Variants in NCOA3 observed in about 807,000 individuals in gnomAD.
NCOA3 encodes CBP-interacting protein.
A neutral mutation model predicts 158.8 loss-of-function variants in NCOA3; 51 were observed. The ratio of observed to expected loss-of-function variants is 0.32; its 90% CI spans 0.26 to 0.41. NCOA3 has a LOEUF of 0.41. Ranked by LOEUF, NCOA3 falls within the 10% of genes least tolerant of loss-of-function variation. The probability of loss-of-function intolerance (pLI) is 1.00; values close to 1 mark genes in which losing one functional copy is unlikely to be tolerated. For synonymous variants in NCOA3, 537 were observed against 592.4 expected (o/e 0.91, Z 1.36); for missense variants, 1,510 against 1,746.6 (o/e 0.86, Z 2.41).
chr20:47,565,762 C>T (rs2085183265), intron 1 of NCOA3, among the ~76,000 whole-genome samples: 1 of 152,076 alleles, frequency 6.6e-6, no homozygotes, highest in Non-Finnish European at 1.5e-5. Flanking sequence ...GGTAACATAG[C>T]TAGTAATTAG....
intron 1 of NCOA3, among the ~76,000 whole-genome samples, chr20:47,505,127 T>C (rs1342271470): frequency 1.4e-5 from 2 of 142,322 alleles, no homozygotes; most frequent in Non-Finnish European, 3.1e-5. Flanking sequence ...AGCGGCGCGA[T>C]CTTGGCTCAC....
intron 1 of NCOA3, among the ~76,000 whole-genome samples, chr20:47,576,560 A>G (rs2085375292): frequency 6.6e-6 from 1 of 152,214 alleles, no homozygotes; most frequent in Non-Finnish European, 1.5e-5. Flanking sequence ...ATTGTCTTGA[A>G]TAAAATTGTC....
intron 1 of NCOA3, among the ~76,000 whole-genome samples, chr20:47,536,626 T>C (rs547161327): frequency 6.6e-6 from 1 of 152,286 alleles, no homozygotes; most frequent in East Asian, 1.9e-4. Context: ...CTTTATTAAG[T>C]GATGATTGAT....
chr20:47,557,173 A>G (rs1480251823), intron 1 of NCOA3, among the ~76,000 whole-genome samples: 4 of 152,230 alleles, frequency 2.6e-5, no homozygotes, highest in Admixed American at 6.5e-5. Context: ...GTGGATGTCC[A>G]AGGGATATCT....
intron 2 of NCOA3, among the ~76,000 whole-genome samples, chr20:47,594,664 CAAAAAAA>C (rs377014290): frequency 2.3e-4 from 17 of 72,942 alleles, no homozygotes; most frequent in East Asian, 4.8e-4. Flanking sequence ...GACTCTGTCT[CAAAAAAA>C]AAAAAAAAAA....
rs149656614 is a variant in NCOA3, at chr20:47,592,885, A to G, written c.-20+9624A>G. On this transcript the variant is annotated intron_variant, in intron 2 of 22. Coordinates refer to ENST00000371998, the MANE Select transcript of NCOA3 (RefSeq NM_181659.3). ...TAATCTTTTTAGATGACATTCCTCC[A>G]GCAGTGAAAGTATGTCTGTGGTTAC... Among the ~76,000 whole-genome samples, 616 of 152,352 alleles carry G rather than the reference A, an allele frequency of 4.0e-3. 7 individuals carry two copies. The highest frequency in any genetic ancestry group is 0.014 in the African/African-American group (584 of 41,582).
intron 1 of NCOA3, among the ~76,000 whole-genome samples, chr20:47,520,755 T>C (rs1849262831): frequency 6.6e-6 from 1 of 152,146 alleles, no homozygotes; most frequent in South Asian, 2.1e-4. Context: ...TTCCTCCCTT[T>C]CCCCCTCTGA....
chr20:47,565,770 T>G (rs1391010107), intron 1 of NCOA3, among the ~76,000 whole-genome samples: 1 of 152,086 alleles, frequency 6.6e-6, no homozygotes, highest in Non-Finnish European at 1.5e-5. Flanking sequence ...AGCTAGTAAT[T>G]AGGACAGCTG....
chr20:47,520,863 C>T, intron 1 of NCOA3, among the ~76,000 whole-genome samples: 1 of 152,206 alleles, frequency 6.6e-6, no homozygotes. Flanking sequence ...GTATAAATCC[C>T]ACGGCAGGAT....
At chr20:47,551,825 A>AT (rs546753986) in intron 1 of NCOA3, among the ~76,000 whole-genome samples, 239 of 152,388 alleles carry the variant, frequency 1.6e-3, no homozygotes, top group African/African-American at 5.5e-3. Flanking sequence ...AGATAACTTA[A>AT]TACGTATGTA....
In NCOA3 at chr20:47,656,480, T is replaced by A. The variant is rs1204783095; in HGVS notation, c.*3063T>A. The A allele has an allele frequency of 6.6e-6, 1 of 152,338 alleles. No individual in the cohort carries two copies. Among genetic ancestry groups the A allele is most frequent in the Non-Finnish European group, 1.5e-5 (1 of 68,040 alleles). The allele number at this position is 152,338 out of a possible 1,614,324, so 9.4% of individuals were successfully genotyped here. ...CAGAATGGATTGCCAGTTACATGTA[T>A]GCCTGCCCAGTTCCCTTTTTATTTG... On this transcript the variant is annotated 3_prime_UTR_variant, in exon 23 of 23. Transcript: ENST00000371998.
chr20:47,635,961 C>G lies in NCOA3; in HGVS notation c.1575C>G (p.Ala525=). 1.2e-6 allele frequency: 2 copies of G among 1,613,952 alleles called. No homozygotes were observed. The highest frequency in any genetic ancestry group is 8.5e-7 in the Non-Finnish European group (1 of 1,179,880). ...NHSFSSSSLS[A]LQAISEGVGT... is the part of the protein sequence containing the mutation. Reference sequence around the variant, plus strand: ...GCTTTTCCAGCAGCTCTCTCAGTGCCCTGCAAGCCATCAGTGAAGGTGTGG... The same window carrying G: ...GCTTTTCCAGCAGCTCTCTCAGTGCGCTGCAAGCCATCAGTGAAGGTGTGG... The change falls in exon 12 of 23, where the codon GCC becomes GCG. Residue 525 remains alanine (A), a synonymous_variant. Transcript: ENST00000371998.
At chr20:47,594,079 G>A (rs2085701501) in intron 2 of NCOA3, among the ~76,000 whole-genome samples, 1 of 152,044 alleles carries the variant, frequency 6.6e-6, no homozygotes. Context: ...GGTTTGTATT[G>A]CCTTATGTAT....
At chr20:47,592,211 T>A (rs1378434922) in intron 2 of NCOA3, among the ~76,000 whole-genome samples, 1 of 152,034 alleles carries the variant, frequency 6.6e-6, no homozygotes, top group African/African-American at 2.4e-5. Flanking sequence ...CTGGCTAATT[T>A]TTTTTGTATT....
intron 1 of NCOA3, among the ~76,000 whole-genome samples, chr20:47,533,312 G>T (rs1602359162): frequency 1.6e-5 from 2 of 128,356 alleles, no homozygotes; most frequent in African/African-American, 3.2e-5. Context: ...AAAGATCATT[G>T]ATTTTTTTTT....
rs74178747 is a variant in NCOA3 at position 47,570,984 on chromosome 20, A to ATGTGTGTGTGTG, written c.-98-12191_-98-12180dup. Among the ~76,000 whole-genome samples the ATGTGTGTGTGTG allele has an allele frequency of 6.6e-3, 797 of 120,720 alleles. 6 individuals are homozygous for ATGTGTGTGTGTG. The highest frequency in any genetic ancestry group is 7.9e-3 in the South Asian group (29 of 3,672). The allele number at this position is 120,720 out of a possible 152,430, so 79.2% of individuals were successfully genotyped here. A position where few individuals can be genotyped will look rare whatever the true frequency, so the allele number is the denominator to read the frequency against. Reference sequence around the variant, plus strand: ...CACACACACACAAGTATATACATATATGTGTGTGTGTGTGTGTGTATATAC... The same window carrying ATGTGTGTGTGTG: ...CACACACACACAAGTATATACATATATGTGTGTGTGTGTGTGTGTGTGTGTGTGTGTATATAC... On this transcript the variant is annotated intron_variant, in intron 1 of 22. Coordinates refer to ENST00000371998, the MANE Select transcript of NCOA3 (RefSeq NM_181659.3).
chr20:47,550,088 T>C (rs910849031), intron 1 of NCOA3, among the ~76,000 whole-genome samples: 2 of 152,052 alleles, frequency 1.3e-5, no homozygotes, highest in Admixed American at 1.3e-4. Flanking sequence ...TTCTTCTAAC[T>C]GCCAAAAGAA....
rs750643320 is a variant in NCOA3, at chr20:47,649,066, C to T, written c.3608C>T (p.Ala1203Val). The change falls in exon 19 of 23, where the codon GCT becomes GTT. Residue 1203 changes from alanine to valine, a missense_variant. Physicochemically the swap from Ala to Val is moderately conservative, Grantham distance 64 (BLOSUM62 0). This residue lies in a region of NCOA3 where 1,017 missense variants were observed against 1,098.3 expected (regional missense o/e 0.93). Coordinates refer to ENST00000371998, the MANE Select transcript of NCOA3 (RefSeq NM_181659.3). ...LKMENPTAGG[A>V]AVMRPMMQPQ... ...ATGGAAAACCCTACTGCTGGTGGTGCTGCGGTGATGAGGCCTATGATGCAG... is the reference window on the plus strand; with the variant it reads ...ATGGAAAACCCTACTGCTGGTGGTGTTGCGGTGATGAGGCCTATGATGCAG... 6.2e-7 allele frequency: 1 copy of T among 1,614,054 alleles called. No individual in the cohort carries two copies. Among genetic ancestry groups the T allele is most frequent in the Non-Finnish European group, 8.5e-7 (1 of 1,179,978 alleles).
At chr20:47,613,906 A>T (rs1358443316) in intron 2 of NCOA3, among the ~76,000 whole-genome samples, 2 of 107,610 alleles carry the variant, frequency 1.9e-5, no homozygotes, top group South Asian at 5.6e-4. Flanking sequence ...ACTCTGTCTT[A>T]AAAAAAAAAA....
Sources: gnomAD v4.1 joint callset for allele counts (sites outside exome capture counted in the v4.1 genomes callset) on GRCh38, gnomAD v4.1.1 for gene constraint, gnomAD v4.1.1 regional missense constraint, MANE v1.5 for transcripts, NCBI Gene and HGNC (gene_info 2026-07-23, HGNC 2026-07-21) for gene names.